Variants in GPC5 observed in about 807,000 individuals in gnomAD.
GPC5 encodes glypican 5, also known as glypican-5.
Under a neutral mutation model 53.9 loss-of-function variants are expected in GPC5, and 47 were observed. That is an observed-to-expected ratio of 0.87 (90% CI 0.69 to 1.11). The LOEUF (loss-of-function observed/expected upper bound fraction) is 1.11. Ranked by LOEUF, GPC5 falls within the 50% of genes most tolerant of loss-of-function variation. The pLI is 0.00. For missense variants in GPC5, 748 were observed against 713.1 expected (o/e 1.05, Z -0.56); for synonymous variants, 286 against 263.3 (o/e 1.09, Z -0.84).
chr13:92,641,896 T>A (rs1885606113), intron 7 of GPC5, among the ~76,000 whole-genome samples: 2 of 152,160 alleles, frequency 1.3e-5, no homozygotes, highest in South Asian at 4.1e-4. Context: ...AATTTTACCT[T>A]ATTTTTTTCC....
chr13:92,603,168 G>A (rs554164486), intron 7 of GPC5, among the ~76,000 whole-genome samples: 128 of 152,256 alleles, frequency 8.4e-4, no homozygotes, highest in African/African-American at 2.8e-3. Context: ...ATGGATAAAG[G>A]TCTCAATTCC....
At chr13:92,844,047 T>C (rs534004072) in intron 7 of GPC5, among the ~76,000 whole-genome samples, 371 of 151,750 alleles carry the variant, frequency 2.4e-3, no homozygotes, top group Admixed American at 4.4e-3. Context: ...AACCACCTCA[T>C]TTTATGAATT....
intron 2 of GPC5, among the ~76,000 whole-genome samples, chr13:91,668,379 T>G (rs1047246655): frequency 3.3e-5 from 5 of 152,240 alleles, no homozygotes; most frequent in African/African-American, 4.8e-5. Flanking sequence ...AGTGAAAGTA[T>G]GCAGGCCCTT....
chr13:91,697,082 C>T (rs995615453), intron 3 of GPC5, among the ~76,000 whole-genome samples: 2 of 152,164 alleles, frequency 1.3e-5, no homozygotes, highest in African/African-American at 4.8e-5. Flanking sequence ...ATAGTGTTTA[C>T]ATTTTACCAG....
chr13:92,090,531 T>C (rs1458910515), intron 6 of GPC5, among the ~76,000 whole-genome samples: 1 of 152,170 alleles, frequency 6.6e-6, no homozygotes, highest in Non-Finnish European at 1.5e-5. Context: ...GGCACTTTGA[T>C]CTAGGACTTC....
At chr13:91,407,534 G>T (rs1255742958) in intron 1 of GPC5, among the ~76,000 whole-genome samples, 1 of 152,212 alleles carries the variant, frequency 6.6e-6, no homozygotes, top group Non-Finnish European at 1.5e-5. Flanking sequence ...TTTGCATTTG[G>T]CTCTGGAATG....
intron 2 of GPC5, among the ~76,000 whole-genome samples, chr13:91,508,977 C>T (rs1566462278): frequency 1.3e-5 from 2 of 152,104 alleles, no homozygotes; most frequent in Non-Finnish European, 2.9e-5. Flanking sequence ...CCATCCCATA[C>T]TATAATCCAT....
At chr13:91,559,602 G>A (rs2031146505) in intron 2 of GPC5, among the ~76,000 whole-genome samples, 1 of 152,174 alleles carries the variant, frequency 6.6e-6, no homozygotes, top group East Asian at 1.9e-4. Flanking sequence ...CTTGGAATGT[G>A]TACATATACT....
At chr13:92,349,549 C>T (rs72638660) in intron 7 of GPC5, among the ~76,000 whole-genome samples, 38,308 of 151,074 alleles carry the variant, frequency 0.25, 5,023 homozygotes, top group South Asian at 0.39. Context: ...TAAATAAAAT[C>T]TGAGGTGAAA....
chr13:92,803,054 A>G (rs967102890), intron 7 of GPC5, among the ~76,000 whole-genome samples: 2 of 151,894 alleles, frequency 1.3e-5, no homozygotes, highest in African/African-American at 4.8e-5. Context: ...CCATTCCCCC[A>G]AATTTTAATT....
chr13:92,544,978 T>C (rs1316763734), intron 7 of GPC5, among the ~76,000 whole-genome samples: 2 of 152,124 alleles, frequency 1.3e-5, no homozygotes, highest in Non-Finnish European at 2.9e-5. Context: ...TGCAGGTTTG[T>C]TACATATGTA....
At chr13:92,527,249 G>GAGAAAGAAAGAAAGAA (rs199630577) in intron 7 of GPC5, among the ~76,000 whole-genome samples, 2 of 32,704 alleles carry the variant, frequency 6.1e-5, no homozygotes, top group African/African-American at 2.1e-4. Context: ...AAGAAAGAAA[G>GAGAAAGAAAGAAAGAA]AGAAAGAAAG....
At chr13:92,749,507 T>C (rs897743570) in intron 7 of GPC5, among the ~76,000 whole-genome samples, 1 of 152,186 alleles carries the variant, frequency 6.6e-6, no homozygotes, top group African/African-American at 2.4e-5. Context: ...GTATTCTGTT[T>C]GATTTTTTGA....
In GPC5 at chr13:91,898,524, G is replaced by A. The variant is rs556471331; in HGVS notation, c.1281-9413G>A. Among the ~76,000 whole-genome samples the A allele has an allele frequency of 5.3e-5, 8 of 151,870 alleles. No individual in the cohort carries two copies. In the East Asian group the frequency reaches 5.8e-4, roughly 11 times the overall value. On this transcript the variant is annotated intron_variant, in intron 5 of 7. Coordinates refer to ENST00000377067, the MANE Select transcript of GPC5 (RefSeq NM_004466.6). Reference sequence around the variant, plus strand: ...AGTGCTTGTGCCTTTTATTCTAAGCGGTCTCAAAGGCTTTTCTGGAAATAC... The same window carrying A: ...AGTGCTTGTGCCTTTTATTCTAAGCAGTCTCAAAGGCTTTTCTGGAAATAC...
At chr13:92,043,403 A>G (rs1021264336) in intron 6 of GPC5, among the ~76,000 whole-genome samples, 1 of 152,128 alleles carries the variant, frequency 6.6e-6, no homozygotes, top group Non-Finnish European at 1.5e-5. Context: ...AAGCAGGAAA[A>G]TGTGAGGAGC....
intron 5 of GPC5, among the ~76,000 whole-genome samples, chr13:91,862,985 C>T (rs188062701): frequency 6.0e-5 from 9 of 150,996 alleles, no homozygotes; most frequent in Admixed American, 4.6e-4. Flanking sequence ...CTTCTCTTTC[C>T]CCTTCCTTTT....
At chr13:91,897,269 A>G (rs2138979552) in intron 5 of GPC5, among the ~76,000 whole-genome samples, 1 of 151,560 alleles carries the variant, frequency 6.6e-6, no homozygotes, top group South Asian at 2.1e-4. Flanking sequence ...CAAACTTCAT[A>G]TTTTTTCCAC....
chr13:92,264,675 T>C (rs2042789516), intron 7 of GPC5, among the ~76,000 whole-genome samples: 1 of 152,116 alleles, frequency 6.6e-6, no homozygotes, highest in South Asian at 2.1e-4. Context: ...GTTTTTTTTT[T>C]TTCTTATTTC....
At chr13:91,730,698 C>A (rs2036677982) in intron 4 of GPC5, among the ~76,000 whole-genome samples, 1 of 152,122 alleles carries the variant, frequency 6.6e-6, no homozygotes, top group African/African-American at 2.4e-5. Flanking sequence ...AGCAACAGAG[C>A]CTTTTCTTTC....
Sources: gnomAD v4.1 joint callset for allele counts (sites outside exome capture counted in the v4.1 genomes callset) on GRCh38, gnomAD v4.1.1 for gene constraint, MANE v1.5 for transcripts, NCBI Gene and HGNC (gene_info 2026-07-23, HGNC 2026-07-21) for gene names.